The following LIFR variants were observed in gnomAD, a reference collection of about 807,000 sequenced individuals.
The protein encoded by LIFR is leukemia inhibitory factor receptor.
LIFR carries 84 observed loss-of-function variants against 122.2 expected under a neutral mutation model. The observed-to-expected ratio is 0.69, with a 90% CI of 0.58 to 0.82. The LOEUF is 0.82. Among genes scored for constraint, LIFR ranks in the 40% least tolerant of loss-of-function variants. The probability of loss-of-function intolerance (pLI) is 0.00; values close to 1 mark genes in which losing one functional copy is unlikely to be tolerated. For synonymous variants in LIFR, 422 were observed against 434.7 expected (o/e 0.97, Z 0.36); for missense variants, 1,294 against 1,311.6 (o/e 0.99, Z 0.21).
At chr5:38,489,921 G>T (rs746466562) in intron 15 of LIFR, among the ~76,000 whole-genome samples, 1 of 144,416 alleles carries the variant, frequency 6.9e-6, no homozygotes, top group Non-Finnish European at 1.5e-5. Context: ...CCTGAGCCCA[G>T]GAGGTTGAGG....
intron 7 of LIFR, among the ~76,000 whole-genome samples, chr5:38,509,097 A>G (rs568759644): frequency 2.8e-4 from 42 of 152,318 alleles, no homozygotes; most frequent in Non-Finnish European, 4.7e-4. Context: ...ACTATAAATT[A>G]GCTTGTTCTA....
In LIFR at chr5:38,480,370, C is replaced by T; in HGVS notation, c.*1225G>A. 4.4e-6 allele frequency: 1 copy of T among 226,912 alleles called. No individual in the cohort carries two copies. Among genetic ancestry groups the T allele is most frequent in the Non-Finnish European group, 8.8e-6 (1 of 114,034 alleles). 14.1% of individuals were successfully genotyped at this position (226,912 alleles called of 1,614,324 possible). On this transcript the variant is annotated 3_prime_UTR_variant, in exon 20 of 20. Transcript: ENST00000453190. Reference sequence around the variant, plus strand: ...AGGCAATCAATTCTGCACAGCTCACCAAGCAATTGCTGCACCTGCAACACA... The same window carrying T: ...AGGCAATCAATTCTGCACAGCTCACTAAGCAATTGCTGCACCTGCAACACA...
chr5:38,562,439 G>A (rs948794107), intron 1 of LIFR, among the ~76,000 whole-genome samples: 1 of 152,150 alleles, frequency 6.6e-6, no homozygotes, highest in African/African-American at 2.4e-5. Flanking sequence ...GGGAGGCAAA[G>A]CAAAACATTT....
At chr5:38,574,904 A>C (rs1446695672) in intron 1 of LIFR, among the ~76,000 whole-genome samples, 1 of 152,164 alleles carries the variant, frequency 6.6e-6, no homozygotes, top group Non-Finnish European at 1.5e-5. Flanking sequence ...CATCCTATCA[A>C]GACATCTTTT....
intron 1 of LIFR, among the ~76,000 whole-genome samples, chr5:38,569,280 A>G (rs561540086): frequency 6.6e-6 from 1 of 152,366 alleles, no homozygotes; most frequent in Admixed American, 6.5e-5. Flanking sequence ...AATGACATTT[A>G]GACTCAGCAC....
Position 38,480,647 on chromosome 5 carries a change from T to C in LIFR, c.*948A>G. On this transcript the variant is annotated 3_prime_UTR_variant, in exon 20 of 20. Transcript: ENST00000453190. ...AGGAGGAACGAAATCCAATCAGAAC[T>C]ATATGGACAGCTAACGCTGCTAGAT... The C allele has an allele frequency of 4.6e-6, 1 of 217,540 alleles. No homozygotes were observed. Among genetic ancestry groups the C allele is most frequent in the Non-Finnish European group, 9.2e-6 (1 of 108,154 alleles). 13.5% of individuals were successfully genotyped at this position (217,540 alleles called of 1,614,324 possible).
chr5:38,603,101 G>C (rs1646695939), intron 2 of LIFR, among the ~76,000 whole-genome samples: 1 of 152,202 alleles, frequency 6.6e-6, no homozygotes, highest in Non-Finnish European at 1.5e-5. Context: ...AAGGGTACAA[G>C]ATGGCAGCCT....
At chr5:38,575,456 G>A (rs1407591693) in intron 1 of LIFR, among the ~76,000 whole-genome samples, 4 of 152,068 alleles carry the variant, frequency 2.6e-5, no homozygotes, top group East Asian at 1.9e-4. Flanking sequence ...TTCAATTTAC[G>A]GAGACAAGTT....
intron 15 of LIFR, among the ~76,000 whole-genome samples, chr5:38,489,510 T>C (rs1436598088): frequency 2.6e-5 from 4 of 152,212 alleles, no homozygotes; most frequent in Non-Finnish European, 5.9e-5. Context: ...AAGCAATCTA[T>C]GCAAAATCTT....
At chr5:38,589,631 A>G (rs554084327) in intron 1 of LIFR, among the ~76,000 whole-genome samples, 12 of 152,270 alleles carry the variant, frequency 7.9e-5, no homozygotes, top group African/African-American at 2.2e-4. Context: ...AGTATATGGA[A>G]AGTACGGAAA....
At chr5:38,603,374 A>G (rs1475265982) in intron 2 of LIFR, among the ~76,000 whole-genome samples, 1 of 152,196 alleles carries the variant, frequency 6.6e-6, no homozygotes, top group Admixed American at 6.5e-5. Flanking sequence ...CAGTCACACT[A>G]TGAGTTATTT....
At chr5:38,484,188 T>C (rs867987839) in intron 18 of LIFR, among the ~76,000 whole-genome samples, 17 of 152,342 alleles carry the variant, frequency 1.1e-4, no homozygotes, top group Middle Eastern at 3.4e-3. Flanking sequence ...TCGCAGGACG[T>C]AGCCCCCTGC....
At chr5:38,547,850 A>G (rs1206292117) in intron 1 of LIFR, among the ~76,000 whole-genome samples, 1 of 152,154 alleles carries the variant, frequency 6.6e-6, no homozygotes, top group Non-Finnish European at 1.5e-5. Flanking sequence ...ATTGCTCCTA[A>G]GGCTATAAAT....
At chr5:38,536,229 T>C (rs2112591505) in intron 1 of LIFR, among the ~76,000 whole-genome samples, 1 of 152,168 alleles carries the variant, frequency 6.6e-6, no homozygotes, top group African/African-American at 2.4e-5. Flanking sequence ...AAGAATGAAA[T>C]AAAAATACTA....
upstream of LIFR, chr5:38,559,154 C>T (rs1183586016): frequency 1.3e-5 from 2 of 152,228 alleles, no homozygotes; most frequent in African/African-American, 4.8e-5. Context: ...GAAGACCTGC[C>T]TTCCATGTAT....
In LIFR at chr5:38,520,446, G is replaced by T. The variant is rs111793252; in HGVS notation, c.561+2973C>A. ...ACTCCACTGTTTCCACTGTTGTGCAGAAGCTTTTTAGTTTAATATAATCTA... is the reference window on the plus strand; with the variant it reads ...ACTCCACTGTTTCCACTGTTGTGCATAAGCTTTTTAGTTTAATATAATCTA... On this transcript the variant is annotated intron_variant, in intron 5 of 19. Transcript: ENST00000453190. Among the ~76,000 whole-genome samples the T allele has an allele frequency of 2.2e-3, 336 of 152,296 alleles. 1 individual carries two copies. Among genetic ancestry groups the T allele is most frequent in the African/African-American group, 7.6e-3 (316 of 41,572 alleles).
rs557727961 is a variant in LIFR, at chr5:38,480,098, G to T, written c.*1497C>A. The T allele has an allele frequency of 4.0e-5, 9 of 226,400 alleles. No individual in the cohort carries two copies. In the East Asian group the frequency reaches 5.8e-4, roughly 15 times the overall value. The allele number at this position is 226,400 out of a possible 1,614,324, so 14.0% of individuals were successfully genotyped here. ...ATCCATTATTTGCAAATACATTACA[G>T]AATCTCAGATGATAAAAAACAAACA... On this transcript the variant is annotated 3_prime_UTR_variant, in exon 20 of 20. Coordinates refer to ENST00000453190, the MANE Select transcript of LIFR (RefSeq NM_001127671.2).
intron 1 of LIFR, among the ~76,000 whole-genome samples, chr5:38,587,623 G>A (rs1292572413): frequency 2.0e-5 from 3 of 152,198 alleles, no homozygotes; most frequent in Non-Finnish European, 4.4e-5. Flanking sequence ...TGGTGGTGGT[G>A]GTGGTTGTTA....
chr5:38,510,555 C>A lies in LIFR; in HGVS notation c.900G>T (p.Lys300Asn). 1 of 1,613,970 alleles carries A rather than the reference C, an allele frequency of 6.2e-7. No individual in the cohort carries two copies. Among genetic ancestry groups the A allele is most frequent in the Non-Finnish European group, 8.5e-7 (1 of 1,179,924 alleles). Residue 300 changes from lysine (K) to asparagine (N), a missense_variant, in exon 7 of 20, where the codon AAG (lysine) becomes AAT (asparagine). By Grantham distance (94) the Lys-to-Asn change is moderately conservative (BLOSUM62 0). Coordinates refer to ENST00000453190, the MANE Select transcript of LIFR (RefSeq NM_001127671.2). ...TTGCAGAAACAGAAATATTACGAATCTTGATTGCAACATTTTCCCCATCAA... is the reference window on the plus strand; with the variant it reads ...TTGCAGAAACAGAAATATTACGAATATTGATTGCAACATTTTCCCCATCAA... ...IHLDGENVAI[K>N]IRNISVSASS...
Sources: gnomAD v4.1 joint callset for allele counts (sites outside exome capture counted in the v4.1 genomes callset) on GRCh38, gnomAD v4.1.1 for gene constraint, MANE v1.5 for transcripts, NCBI Gene and HGNC (gene_info 2026-07-23, HGNC 2026-07-21) for gene names.